The following STXBP4 variants were observed in gnomAD, a reference collection of about 807,000 sequenced individuals.
STXBP4 encodes the protein syntaxin-binding protein 4.
Under a neutral mutation model 76.1 loss-of-function variants are expected in STXBP4, and 55 were observed. The ratio of observed to expected loss-of-function variants is 0.72; its 90% CI spans 0.58 to 0.91. The LOEUF is 0.91. STXBP4 is among the 40% of genes least tolerant of loss of function. STXBP4 has a pLI of 0.00. For missense variants in STXBP4, 618 were observed against 636.9 expected (o/e 0.97, Z 0.32); for synonymous variants, 201 against 220.2 (o/e 0.91, Z 0.77).
intron 8 of STXBP4, among the ~76,000 whole-genome samples, chr17:55,029,131 G>A (rs1247662546): frequency 2.0e-5 from 3 of 151,802 alleles, no homozygotes; most frequent in Non-Finnish European, 2.9e-5. Context: ...TTCATACAAC[G>A]GATTACTGTT....
chr17:55,122,800 G>T (rs1466876261), intron 16 of STXBP4, among the ~76,000 whole-genome samples: 8 of 152,022 alleles, frequency 5.3e-5, no homozygotes, highest in Non-Finnish European at 4.4e-5. Flanking sequence ...ATTATAAGGG[G>T]ATTAAAGTAA....
chr17:55,199,166 C>A, the STXBP4 span, among the ~76,000 whole-genome samples: 2 of 152,224 alleles, frequency 1.3e-5, no homozygotes, highest in Non-Finnish European at 2.9e-5. Flanking sequence ...TGCTGGTTAG[C>A]AAAAATTACA....
chr17:55,069,657 C>T (rs1390534638), intron 12 of STXBP4, among the ~76,000 whole-genome samples: 1 of 152,136 alleles, frequency 6.6e-6, no homozygotes, highest in Non-Finnish European at 1.5e-5. Context: ...CTGACAGTTA[C>T]ACATTTACAA....
chr17:55,032,096 A>G (rs981834739), intron 9 of STXBP4, among the ~76,000 whole-genome samples: 4 of 152,166 alleles, frequency 2.6e-5, no homozygotes, highest in Non-Finnish European at 5.9e-5. Flanking sequence ...ATATTGGTAA[A>G]TTGTTTTTCA....
intron 13 of STXBP4, among the ~76,000 whole-genome samples, chr17:55,076,956 G>A (rs2079190872): frequency 6.6e-6 from 1 of 151,898 alleles, no homozygotes. Flanking sequence ...TTCTAATTTA[G>A]TTATGTTACA....
chr17:55,200,240 T>C, the STXBP4 span, among the ~76,000 whole-genome samples: 5 of 152,202 alleles, frequency 3.3e-5, no homozygotes, highest in African/African-American at 9.6e-5. Context: ...TCAATAAATA[T>C]CAGATATCTC....
At chr17:55,079,370 C>A (rs1433216962) in intron 15 of STXBP4, among the ~76,000 whole-genome samples, 1 of 152,064 alleles carries the variant, frequency 6.6e-6, no homozygotes, top group Non-Finnish European at 1.5e-5. Flanking sequence ...CTTGTTTATG[C>A]ATTTCCAAAG....
At chr17:55,204,609 A>C in the STXBP4 span, among the ~76,000 whole-genome samples, 18 of 152,084 alleles carry the variant, frequency 1.2e-4, no homozygotes, top group African/African-American at 4.3e-4. Context: ...TACTCACCTT[A>C]ATCCCTCCTT....
intron 10 of STXBP4, among the ~76,000 whole-genome samples, chr17:55,036,836 T>A (rs892054675): frequency 6.6e-6 from 1 of 152,122 alleles, no homozygotes; most frequent in Admixed American, 6.6e-5. Context: ...AGTGATATGC[T>A]TTACTGACAG....
At position 55,078,179 on chromosome 17, in the gene STXBP4, T is replaced by A. The variant is rs766090976; in HGVS notation, c.1290T>A (p.Leu430=). 36 of 1,609,200 alleles carry A rather than the reference T, an allele frequency of 2.2e-5. No homozygotes were observed. The highest frequency in any genetic ancestry group is 3.1e-5 in the Non-Finnish European group (36 of 1,178,028). ...RKTFEASTEK[L]LHFVEAIQEV... Reference sequence around the variant, plus strand: ...CTTTTGAGGCATCCACTGAAAAGCTTCTTCATTTTGTAGAGGTAAGTTTTT... The same window carrying A: ...CTTTTGAGGCATCCACTGAAAAGCTACTTCATTTTGTAGAGGTAAGTTTTT... The change falls in exon 14 of 18, where the codon CTT becomes CTA. Residue 430 remains leucine (L), a synonymous_variant. Coordinates refer to ENST00000376352, the MANE Select transcript of STXBP4 (RefSeq NM_178509.6).
intron 12 of STXBP4, among the ~76,000 whole-genome samples, chr17:55,062,559 A>ATG (rs1491104463): frequency 2.0e-5 from 3 of 152,008 alleles, no homozygotes; most frequent in Admixed American, 6.6e-5. Flanking sequence ...ATATGTGTGC[A>ATG]TGTGTGTGTG....
the STXBP4 span, among the ~76,000 whole-genome samples, chr17:55,212,935 G>A: frequency 2.6e-5 from 4 of 152,098 alleles, no homozygotes; most frequent in East Asian, 5.8e-4. Context: ...CGGAGGACAC[G>A]CATGAACCCT....
rs564608057 is a variant in STXBP4, at chr17:55,101,893, A to G, written c.1489+20710A>G. On this transcript the variant is annotated intron_variant, in intron 16 of 17. Coordinates refer to ENST00000376352, the MANE Select transcript of STXBP4 (RefSeq NM_178509.6). ...AATGCCAAAAGCTTGTCTGATTCCAAATGATACTGACATAATGGACTCATT... is the reference window on the plus strand; with the variant it reads ...AATGCCAAAAGCTTGTCTGATTCCAGATGATACTGACATAATGGACTCATT... 6.6e-5 allele frequency among the ~76,000 whole-genome samples: 10 copies of G among 152,318 alleles called. No individual in the cohort carries two copies. The South Asian group carries it at 2.1e-3, about 32-fold the overall frequency.
chr17:55,090,557 T>C (rs2079397774), intron 16 of STXBP4, among the ~76,000 whole-genome samples: 1 of 152,098 alleles, frequency 6.6e-6, no homozygotes, highest in Non-Finnish European at 1.5e-5. Context: ...CAAAAACCAG[T>C]TCTGAGTAGA....
At chr17:55,143,604 G>T (rs1342105364) in intron 17 of STXBP4, among the ~76,000 whole-genome samples, 2 of 152,180 alleles carry the variant, frequency 1.3e-5, no homozygotes, top group African/African-American at 4.8e-5. Context: ...CCTTGGGCTG[G>T]TCTCCCACTA....
At chr17:55,139,840 C>A (rs978988129) in intron 16 of STXBP4, among the ~76,000 whole-genome samples, 3 of 152,108 alleles carry the variant, frequency 2.0e-5, no homozygotes, top group African/African-American at 7.2e-5. Context: ...GAAATAGTTA[C>A]AGAATTTTTG....
intron 8 of STXBP4, among the ~76,000 whole-genome samples, chr17:55,027,791 C>T (rs151284129): frequency 1.3e-5 from 2 of 152,204 alleles, no homozygotes; most frequent in East Asian, 3.9e-4. Context: ...GTTCAGAATT[C>T]ATTAGTATGG....
chr17:55,179,246 G>A, the STXBP4 span, among the ~76,000 whole-genome samples: 5 of 151,986 alleles, frequency 3.3e-5, no homozygotes, highest in Admixed American at 1.3e-4. Flanking sequence ...AATACTCTTG[G>A]GGAAAAGTGG....
intron 16 of STXBP4, among the ~76,000 whole-genome samples, chr17:55,104,965 G>T (rs2079613092): frequency 1.3e-5 from 2 of 152,144 alleles, no homozygotes; most frequent in Admixed American, 1.3e-4. Flanking sequence ...TGTGGGATCA[G>T]TGATGGTATC....
Sources: gnomAD v4.1 joint callset for allele counts (sites outside exome capture counted in the v4.1 genomes callset) on GRCh38, gnomAD v4.1.1 for gene constraint, MANE v1.5 for transcripts, NCBI Gene and HGNC (gene_info 2026-07-23, HGNC 2026-07-21) for gene names.